Variants in PCDHA4 observed in about 807,000 individuals in gnomAD.
The protein encoded by PCDHA4 is protocadherin alpha 4.
PCDHA4 carries 49 observed loss-of-function variants against 61.4 expected under a neutral mutation model. The ratio of observed to expected loss-of-function variants is 0.80; its 90% CI spans 0.63 to 1.01. PCDHA4 has a LOEUF of 1.01. PCDHA4 is among the 50% of genes least tolerant of loss of function. PCDHA4 has a pLI of 0.00. For synonymous variants in PCDHA4, 590 were observed against 550.3 expected, an observed-to-expected ratio of 1.07 and a Z score of -1.01; for missense variants, 1,254 against 1,235.8, an observed-to-expected ratio of 1.01 and a Z score of -0.22.
intron 1 of PCDHA4, chr5:140,815,532 T>TACGTTA (rs1554126821): frequency 9.3e-5 from 14 of 151,194 alleles, no homozygotes; most frequent in Non-Finnish European, 1.9e-4. Context: ...ATATTGTGTA[T>TACGTTA]ACATTATTTT....
chr5:140,849,597 G>T lies in PCDHA4; in HGVS notation c.2385+40025G>T, dbSNP rs2150442042. 77 of 1,598,656 alleles carry T rather than the reference G, an allele frequency of 4.8e-5. 9 individuals carry two copies. Among genetic ancestry groups the T allele is most frequent in the Admixed American group, 4.4e-4 (26 of 59,274 alleles). On this transcript the variant is annotated intron_variant, in intron 1 of 3. Transcript: ENST00000530339. ...AAAAGAGGACGCACAACTGGGGACA[G>T]TTATTGCCCTGATTAGTGTGATCGA...
intron 1 of PCDHA4, chr5:140,829,831 G>A (rs2150175652): frequency 6.2e-7 from 1 of 1,613,918 alleles, no homozygotes; most frequent in Non-Finnish European, 8.5e-7. Context: ...TGAGCGAGCT[G>A]GTGCCGCGGT....
At chr5:140,927,721 C>G in intron 1 of PCDHA4, 1 of 1,614,204 alleles carries the variant, frequency 6.2e-7, no homozygotes, top group Non-Finnish European at 8.5e-7. Flanking sequence ...CAACAGCACG[C>G]AAGCAGAGCT....
At chr5:140,943,718 C>G (rs2093552773) in intron 1 of PCDHA4, among the ~76,000 whole-genome samples, 1 of 152,020 alleles carries the variant, frequency 6.6e-6, no homozygotes, top group South Asian at 2.1e-4. Flanking sequence ...ATTTAAAGGT[C>G]TGAGAGAATG....
chr5:140,850,170 AACG>A (rs2150470514), intron 1 of PCDHA4: 1 of 1,594,520 alleles, frequency 6.3e-7, no homozygotes, highest in Non-Finnish European at 8.6e-7. Context: ...GCTGGACGAG[AACG>A]ACAATGCGCC....
rs544401230 is a variant in PCDHA4 at position 140,855,171 on chromosome 5, C to A, written c.2385+45599C>A. On this transcript the variant is annotated intron_variant, in intron 1 of 3. Coordinates refer to ENST00000530339, the MANE Select transcript of PCDHA4 (RefSeq NM_018907.4). ...AATTTGGTATTGAGCCTCATGAAAA[C>A]AAATGTGGCCAAATTGAGGCCTGAG... Among the ~76,000 whole-genome samples the A allele has an allele frequency of 6.9e-4, 104 of 149,830 alleles. 7 individuals are homozygous for A. Among genetic ancestry groups the A allele is most frequent in the African/African-American group, 2.4e-3 (100 of 41,004 alleles).
chr5:140,957,385 A>G (rs1166781130), intron 1 of PCDHA4, among the ~76,000 whole-genome samples: 1 of 152,192 alleles, frequency 6.6e-6, no homozygotes, highest in Non-Finnish European at 1.5e-5. Flanking sequence ...GTGTATTGTT[A>G]TAATTGTCCT....
rs369162861 is a variant in PCDHA4 at position 140,870,379 on chromosome 5, G to T, written c.2385+60807G>T. ...GTGGGCCTATGAACTGGTGGTGACT[G>T]CGCGGGATGGGGGTTCGCCTTCTCT... On this transcript the variant is annotated intron_variant, in intron 1 of 3. Coordinates refer to ENST00000530339, the MANE Select transcript of PCDHA4 (RefSeq NM_018907.4). The T allele has an allele frequency of 8.1e-6, 13 of 1,614,100 alleles. No homozygotes were observed. In the African/African-American group the frequency reaches 1.7e-4, roughly 22 times the overall value.
chr5:140,896,560 A>G (rs1583236503), intron 1 of PCDHA4, among the ~76,000 whole-genome samples: 2 of 150,934 alleles, frequency 1.3e-5, no homozygotes, highest in African/African-American at 4.9e-5. Flanking sequence ...TATTTTAAGT[A>G]GAGATGGGGT....
At chr5:140,838,077 AG>A (rs1404623081) in intron 1 of PCDHA4, among the ~76,000 whole-genome samples, 4 of 80,664 alleles carry the variant, frequency 5.0e-5, no homozygotes, top group African/African-American at 1.8e-4. Context: ...ATATATATAT[AG>A]TGTGTGTGTG....
At chr5:141,005,199 C>T (rs2098200928) in intron 3 of PCDHA4, among the ~76,000 whole-genome samples, 1 of 152,208 alleles carries the variant, frequency 6.6e-6, no homozygotes, top group African/African-American at 2.4e-5. Flanking sequence ...TCCTTTCATT[C>T]ATTCATCCAG....
intron 3 of PCDHA4, among the ~76,000 whole-genome samples, chr5:140,998,221 C>G (rs1478098925): frequency 1.3e-5 from 2 of 152,160 alleles, no homozygotes; most frequent in Non-Finnish European, 2.9e-5. Flanking sequence ...TAACCACACC[C>G]AGAAATTTGT....
intron 1 of PCDHA4, chr5:140,969,045 C>G: frequency 1.2e-6 from 2 of 1,614,090 alleles, no homozygotes. Flanking sequence ...TACAAACAAG[C>G]CAACAACAAT....
Position 140,870,071 on chromosome 5 carries a change from A to G in PCDHA4, c.2385+60499A>G, listed in dbSNP as rs782336770. Reference sequence around the variant, plus strand: ...TATAAAATTGAAGTACAGGCTACAGATAAGGGGACTCCCCCAATGGCAGGT... The same window carrying G: ...TATAAAATTGAAGTACAGGCTACAGGTAAGGGGACTCCCCCAATGGCAGGT... On this transcript the variant is annotated intron_variant, in intron 1 of 3. Coordinates refer to ENST00000530339, the MANE Select transcript of PCDHA4 (RefSeq NM_018907.4). 13 of 1,613,778 alleles carry G rather than the reference A, an allele frequency of 8.1e-6. No homozygotes were observed. The highest frequency in any genetic ancestry group is 1.3e-5 in the African/African-American group (1 of 74,950).
chr5:140,959,078 A>C (rs1489301308), intron 1 of PCDHA4, among the ~76,000 whole-genome samples: 1 of 152,128 alleles, frequency 6.6e-6, no homozygotes, highest in Non-Finnish European at 1.5e-5. Flanking sequence ...ATTCAGTATT[A>C]TCCTTGGTTT....
At chr5:140,860,700 G>C (rs573827394) in intron 1 of PCDHA4, 1 of 152,300 alleles carries the variant, frequency 6.6e-6, no homozygotes, top group South Asian at 2.1e-4. Flanking sequence ...ACAGGATATT[G>C]TTGTTCTCCA....
chr5:140,927,099 T>G lies in PCDHA4; in HGVS notation c.2386-51850T>G, dbSNP rs782352775. 10 of 1,613,434 alleles carry G rather than the reference T, an allele frequency of 6.2e-6. No homozygotes were observed. In the South Asian group the frequency reaches 7.7e-5, roughly 12 times the overall value. On this transcript the variant is annotated intron_variant, in intron 1 of 3. Coordinates refer to ENST00000530339, the MANE Select transcript of PCDHA4 (RefSeq NM_018907.4). The stretch of plus-strand genomic sequence containing the variant: ...ACCGCGAGCTCTACTTCGGGGTGGA[T>G]CTACCCAGCGGCAATTTGGTGGTCA...
intron 1 of PCDHA4, chr5:140,850,325 G>A (rs1554144196): frequency 2.5e-6 from 4 of 1,597,604 alleles, no homozygotes; most frequent in Non-Finnish European, 1.7e-6. Context: ...TTTCATACGA[G>A]CTGCAGCCAG....
At chr5:140,960,715 CTTATTTTAGTCCA>C (rs60915889) in intron 1 of PCDHA4, among the ~76,000 whole-genome samples, 85,456 of 151,802 alleles carry the variant, frequency 0.56, 24,653 homozygotes, top group African/African-American at 0.69. Flanking sequence ...AAATACTCAT[CTTATTTTAGTCCA>C]TGATTTTAGT....
Sources: allele counts gnomAD v4.1 joint callset (sites outside exome capture counted in the v4.1 genomes callset), GRCh38; gene constraint gnomAD v4.1.1; transcripts MANE v1.5; gene names NCBI Gene and HGNC (gene_info 2026-07-23, HGNC 2026-07-21).